Variants in DNAJC6 observed in about 807,000 individuals in gnomAD.
The protein encoded by DNAJC6 is DnaJ heat shock protein family (Hsp40) member C6.
A neutral mutation model predicts 110.0 loss-of-function variants in DNAJC6; 34 were observed. That is an observed-to-expected ratio of 0.31 (90% CI 0.24 to 0.41). The LOEUF is 0.41. DNAJC6 is among the 10% of genes least tolerant of loss of function. DNAJC6 has a pLI of 1.00. For synonymous variants in DNAJC6, 406 were observed against 437.2 expected, an observed-to-expected ratio of 0.93 and a Z score of 0.89; for missense variants, 1,031 against 1,207.8, an observed-to-expected ratio of 0.85 and a Z score of 2.17.
At chr1:65,361,435 A>G (rs1253666184) in intron 1 of DNAJC6, among the ~76,000 whole-genome samples, 9 of 152,208 alleles carry the variant, frequency 5.9e-5, no homozygotes, top group African/African-American at 7.2e-5. Flanking sequence ...GACAGTCAAC[A>G]TGTATTTATA....
chr1:65,279,134 C>T lies in DNAJC6; in HGVS notation c.-131+14202C>T, dbSNP rs375132043. ...GAGCCCAGCACAAGGTATGTTTGAT[C>T]CTCTTTTAAAGCCATTTTTAGTTTG... On this transcript the variant is annotated intron_variant, in intron 1 of 19. Coordinates refer to the DNAJC6 transcript ENST00000263441. The T allele has an allele frequency of 9.1e-6, 9 of 985,388 alleles. No homozygotes were observed. The East Asian group carries it at 9.1e-4, about 99-fold the overall frequency. The allele number at this position is 985,388 out of a possible 1,614,324, so 61.0% of individuals were successfully genotyped here.
intron 1 of DNAJC6, among the ~76,000 whole-genome samples, chr1:65,336,115 G>GT (rs1645333717): frequency 6.6e-6 from 1 of 152,134 alleles, no homozygotes; most frequent in Admixed American, 6.5e-5. Flanking sequence ...AAGGAAAGAG[G>GT]TTTAATTGAC....
chr1:65,293,194 T>C (rs1345305974), intron 1 of DNAJC6, among the ~76,000 whole-genome samples: 1 of 152,156 alleles, frequency 6.6e-6, no homozygotes, highest in Non-Finnish European at 1.5e-5. Context: ...AAAGTCAAGA[T>C]AAAGGTGCTG....
At chr1:65,265,256 T>TG (rs1653276284) in intron 1 of DNAJC6, among the ~76,000 whole-genome samples, 1 of 152,234 alleles carries the variant, frequency 6.6e-6, no homozygotes, top group African/African-American at 2.4e-5. Context: ...AATTTTATTT[T>TG]GGGGGTGTTC....
chr1:65,283,313 G>T (rs1032093808), intron 1 of DNAJC6, among the ~76,000 whole-genome samples: 1 of 151,932 alleles, frequency 6.6e-6, no homozygotes, highest in Non-Finnish European at 1.5e-5. Flanking sequence ...TCCATTTCCC[G>T]GTCCTTAACC....
At chr1:65,269,041 A>G (rs1653423603) in intron 1 of DNAJC6, among the ~76,000 whole-genome samples, 1 of 152,162 alleles carries the variant, frequency 6.6e-6, no homozygotes, top group African/African-American at 2.4e-5. Context: ...TGTTTAGCAA[A>G]CAAAGTTACA....
chr1:65,271,328 AC>A (rs2101157999), intron 1 of DNAJC6, among the ~76,000 whole-genome samples: 2 of 152,280 alleles, frequency 1.3e-5, no homozygotes, highest in East Asian at 3.9e-4. Context: ...AACCCCAGTC[AC>A]AGTGCTGTGC....
chr1:65,368,588 T>C (rs200437255), intron 4 of DNAJC6, among the ~76,000 whole-genome samples: 253 of 85,448 alleles, frequency 3.0e-3, no homozygotes, highest in African/African-American at 0.025. Context: ...CTTCCTCCTC[T>C]TCTTCTTCTT....
rs1338581703 is a variant in DNAJC6, at chr1:65,313,219, AT to A, written c.193+3297del. Among the ~76,000 whole-genome samples, 713 of 135,686 alleles carry A rather than the reference AT, an allele frequency of 5.3e-3. 5 individuals are homozygous for A. Among genetic ancestry groups the A allele is most frequent in the East Asian group, 0.039 (183 of 4,714 alleles). 89.0% of individuals were successfully genotyped at this position (135,686 alleles called of 152,430 possible). Reference sequence around the variant, plus strand: ...AGGTATGAACCACCATGCCTGGCTAATTTTTTTTTTTTTTTTCTTTGTAGAG... The same window carrying A: ...AGGTATGAACCACCATGCCTGGCTAATTTTTTTTTTTTTTTCTTTGTAGAG... On this transcript the variant is annotated intron_variant, in intron 1 of 18. Transcript: ENST00000371069.
At chr1:65,279,090 T>C (rs1482521466) in intron 1 of DNAJC6, 1 of 985,338 alleles carries the variant, frequency 1.0e-6, no homozygotes, top group African/African-American at 1.7e-5. Context: ...GGGAAATTCG[T>C]GCCTGTGAAA....
chr1:65,383,855 G>A (rs913461231), intron 5 of DNAJC6, among the ~76,000 whole-genome samples: 35 of 152,118 alleles, frequency 2.3e-4, no homozygotes, highest in African/African-American at 7.2e-4. Flanking sequence ...CTGTGAGCTC[G>A]TTACTTCCAG....
intron 1 of DNAJC6, among the ~76,000 whole-genome samples, chr1:65,311,375 T>C (rs1369651604): frequency 6.6e-6 from 1 of 151,652 alleles, no homozygotes; most frequent in East Asian, 1.9e-4. Flanking sequence ...CAGGCACCTG[T>C]CACCATGCCC....
chr1:65,361,029 A>T (rs2101545283), intron 1 of DNAJC6, among the ~76,000 whole-genome samples: 1 of 152,342 alleles, frequency 6.6e-6, no homozygotes, highest in South Asian at 2.1e-4. Flanking sequence ...GATGTAGAAT[A>T]GTGTGAAATG....
At position 65,364,610 on chromosome 1, in the gene DNAJC6, GTTTGTTTT is replaced by G; in HGVS notation, c.194-21_194-14del. Reference sequence around the variant, plus strand: ...TTCTCTGCCATCACCATTTTTGTTTGTTTGTTTTTTTTTTTTTTTGGCAGGTGCCTCAT... The same window carrying G: ...TTCTCTGCCATCACCATTTTTGTTTGTTTTTTTTTTTGGCAGGTGCCTCAT... On this transcript the variant is annotated splice_polypyrimidine_tract_variant and intron_variant, in intron 1 of 18. Coordinates refer to ENST00000371069, the MANE Select transcript of DNAJC6 (RefSeq NM_001256864.2). 6.9e-7 allele frequency: 1 copy of G among 1,441,978 alleles called. No individual in the cohort carries two copies. Among genetic ancestry groups the G allele is most frequent in the Admixed American group, 2.3e-5 (1 of 43,588 alleles). 89.3% of individuals were successfully genotyped at this position (1,441,978 alleles called of 1,614,324 possible). A position where few individuals can be genotyped will look rare whatever the true frequency, so the allele number is the denominator to read the frequency against.
Position 65,398,880 on chromosome 1 carries a change from A to G in DNAJC6, c.2106A>G (p.Pro702=), listed in dbSNP as rs774250417. 1.1e-5 allele frequency: 17 copies of G among 1,613,866 alleles called. No individual in the cohort carries two copies. Among genetic ancestry groups the G allele is most frequent in the Non-Finnish European group, 1.4e-5 (17 of 1,179,912 alleles). The change falls in exon 14 of 19, where the codon CCA becomes CCG. Residue 702 remains proline, a splice_region_variant and synonymous_variant. Transcript: ENST00000371069. ...VSGGWDWHAK[P]GGFGMGSKSA... ...GAGGTTGGGACTGGCATGCTAAACCAGGTAAAAGCAGGTTATTTTCTGTAC... is the reference window on the plus strand; with the variant it reads ...GAGGTTGGGACTGGCATGCTAAACCGGGTAAAAGCAGGTTATTTTCTGTAC...
At chr1:65,291,952 C>T (rs1644879707) in intron 1 of DNAJC6, among the ~76,000 whole-genome samples, 1 of 152,088 alleles carries the variant, frequency 6.6e-6, no homozygotes, top group Non-Finnish European at 1.5e-5. Context: ...TTTTTTCCCA[C>T]CTTCACTCCC....
upstream of DNAJC6, among the ~76,000 whole-genome samples, chr1:65,308,287 A>G (rs977791512): frequency 1.3e-5 from 2 of 152,224 alleles, no homozygotes; most frequent in Admixed American, 1.3e-4. Context: ...ACATGCACGT[A>G]CTTTTTTCCT....
rs887465272 is a variant in DNAJC6, at chr1:65,310,915, G to A, written c.193+977G>A. Among the ~76,000 whole-genome samples the A allele has an allele frequency of 5.3e-5, 8 of 152,298 alleles. No homozygotes were observed. In the East Asian group the frequency reaches 1.5e-3, roughly 29 times the overall value. ...GGACAACTGAGGATTCCAGAGGAAA[G>A]ATTCATATGGGGTCGTTTGAACAGT... On this transcript the variant is annotated intron_variant, in intron 1 of 18. Coordinates refer to ENST00000371069, the MANE Select transcript of DNAJC6 (RefSeq NM_001256864.2).
chr1:65,308,496 A>G (rs540099601), upstream of DNAJC6, among the ~76,000 whole-genome samples: 7 of 152,340 alleles, frequency 4.6e-5, no homozygotes, highest in South Asian at 1.4e-3. Flanking sequence ...AAGACTTACC[A>G]GAGTTTATCC....
Sources: gnomAD v4.1 joint callset for allele counts (sites outside exome capture counted in the v4.1 genomes callset) on GRCh38, gnomAD v4.1.1 for gene constraint, MANE v1.5 for transcripts, NCBI Gene and HGNC (gene_info 2026-07-23, HGNC 2026-07-21) for gene names.